CIAO2A: variants seen among roughly 807,000 people sequenced by gnomAD.
The protein encoded by CIAO2A is cytosolic iron-sulfur assembly component 2A, also known as MIP18 family protein FAM96A.
Under a neutral mutation model 22.4 loss-of-function variants are expected in CIAO2A, and 17 were observed. The observed-to-expected ratio is 0.76, with a 90% CI of 0.52 to 1.14. The LOEUF (loss-of-function observed/expected upper bound fraction) is 1.14, where lower values mean the gene tolerates loss of function less well. Ranked by LOEUF, CIAO2A falls within the 50% of genes most tolerant of loss-of-function variation. The probability of loss-of-function intolerance (pLI) is 0.00; values close to 1 mark genes in which losing one functional copy is unlikely to be tolerated. For synonymous variants in CIAO2A, 74 were observed against 72.3 expected (o/e 1.02, Z -0.12); for missense variants, 192 against 191.4 (o/e 1.00, Z -0.02).
chr15:64,078,520 CA>C (rs1028686759), intron 3 of CIAO2A, among the ~76,000 whole-genome samples: 8 of 151,694 alleles, frequency 5.3e-5, no homozygotes, highest in Non-Finnish European at 1.0e-4. Flanking sequence ...CCTGTAATCC[CA>C]GCTATTTGGG....
chr15:64,087,424 T>A (rs1458423809), intron 2 of CIAO2A, among the ~76,000 whole-genome samples: 1 of 152,082 alleles, frequency 6.6e-6, no homozygotes, highest in Admixed American at 6.5e-5. Flanking sequence ...AGATGGGGTT[T>A]CACCATGTTG....
chr15:64,087,400 A>AT (rs1218410786), intron 2 of CIAO2A, among the ~76,000 whole-genome samples: 1 of 151,178 alleles, frequency 6.6e-6, no homozygotes. Context: ...CTAATTTTGT[A>AT]TTTTTTTTAG....
intron 2 of CIAO2A, among the ~76,000 whole-genome samples, chr15:64,081,534 C>CT (rs1567306106): frequency 0.024 from 591 of 24,384 alleles, 30 homozygotes; most frequent in Non-Finnish European, 0.04. Flanking sequence ...ACTCATTAAG[C>CT]CTTTTTTTTT....
Position 64,072,967 on chromosome 15 carries a change from C to T in CIAO2A, c.447G>A (p.Arg149=), listed in dbSNP as rs758613975. 6.2e-7 allele frequency: 1 copy of T among 1,613,918 alleles called. No homozygotes were observed. Among genetic ancestry groups the T allele is most frequent in the East Asian group, 2.2e-5 (1 of 44,854 alleles). Residue 149 remains arginine (R), a synonymous_variant, in exon 5 of 5, where the codon CGG becomes CGA. Coordinates refer to ENST00000300030, the MANE Select transcript of CIAO2A (RefSeq NM_032231.7). ...CAAGGACACACTGTTCCACAATTTC[C>T]CGTAAGTTGGGGTTTTCCATTGCAG... ...VAAAMENPNL[R]EIVEQCVLEP... is the part of the protein sequence containing the mutation.
intron 1 of CIAO2A, among the ~76,000 whole-genome samples, 156 bp downstream of exon 1, chr15:64,093,489 C>T (rs2080860756): frequency 6.6e-6 from 1 of 152,008 alleles, no homozygotes; most frequent in South Asian, 2.1e-4. Context: ...AAAGCGCCTG[C>T]TACGCCCCGG....
chr15:64,091,719 CT>C (rs982353234), intron 1 of CIAO2A, among the ~76,000 whole-genome samples: 2 of 151,814 alleles, frequency 1.3e-5, no homozygotes, highest in African/African-American at 4.8e-5. Flanking sequence ...TTAAATTTCT[CT>C]AGTTTTCTAG....
intron 4 of CIAO2A, chr15:64,073,819 C>A (rs2080693956): frequency 6.6e-6 from 1 of 152,144 alleles, no homozygotes; most frequent in Non-Finnish European, 1.5e-5. Context: ...GAAATCCTGG[C>A]CTCAAACTCC....
chr15:64,077,954 G>A (rs1041467036), intron 3 of CIAO2A, among the ~76,000 whole-genome samples: 1 of 152,084 alleles, frequency 6.6e-6, no homozygotes, highest in African/African-American at 2.4e-5. Flanking sequence ...TTAGAGTAAG[G>A]GGGCATTACA....
At position 64,076,021 on chromosome 15, in the gene CIAO2A, A is replaced by G. The variant is rs531560660; in HGVS notation, c.340-484T>C. Among the ~76,000 whole-genome samples, 23 of 151,990 alleles carry G rather than the reference A, an allele frequency of 1.5e-4. No individual in the cohort carries two copies. In the South Asian group the frequency reaches 1.7e-3, roughly 11 times the overall value. ...ACAAATCCCCCACATCCTTCTCTAA[A>G]AAAAAAAAGGACTGAAATGAGTAGG... On this transcript the variant is annotated intron_variant, in intron 3 of 4. Transcript: ENST00000300030.
intron 2 of CIAO2A, among the ~76,000 whole-genome samples, chr15:64,087,096 T>C (rs2080803452): frequency 6.9e-6 from 1 of 145,722 alleles, no homozygotes; most frequent in African/African-American, 2.5e-5. Flanking sequence ...TTTTTTTTTT[T>C]TTTTTTTTTT....
At chr15:64,078,094 AT>A (rs1595952850) in intron 3 of CIAO2A, among the ~76,000 whole-genome samples, 1 of 152,142 alleles carries the variant, frequency 6.6e-6, no homozygotes, top group African/African-American at 2.4e-5. Flanking sequence ...GATATATGGA[AT>A]TTCTTTGTAC....
At chr15:64,078,490 G>T (rs2080735383) in intron 3 of CIAO2A, among the ~76,000 whole-genome samples, 1 of 152,106 alleles carries the variant, frequency 6.6e-6, no homozygotes, top group South Asian at 2.1e-4. Flanking sequence ...CAAAAATTTA[G>T]CTGGGTGTGG....
chr15:64,075,512 G>C lies in CIAO2A; in HGVS notation c.365C>G (p.Thr122Ser). The change falls in exon 4 of 5, where the codon ACC (threonine) becomes AGC (serine). Residue 122 changes from threonine to serine, a missense_variant. Physicochemically the swap from Thr to Ser is moderately conservative, Grantham distance 58. Transcript: ENST00000300030. ...CTTACTGTCTTCTTCTGTTGAGTGG[G>C]TTCCTTCAGAAATGTAGATTTCCAA... is the stretch of plus-strand genomic sequence containing the variant. ...HKLEIYISEG[T>S]HSTEEDINKQ... is the part of the protein sequence containing the mutation. 1 of 1,585,822 alleles carries C rather than the reference G, an allele frequency of 6.3e-7. No individual in the cohort carries two copies. The highest frequency in any genetic ancestry group is 8.6e-7 in the Non-Finnish European group (1 of 1,165,334).
Position 64,072,849 on chromosome 15 carries a change from T to C in CIAO2A, c.*82A>G. 2.2e-6 allele frequency: 2 copies of C among 899,814 alleles called. No individual in the cohort carries two copies. Among genetic ancestry groups the C allele is most frequent in the Non-Finnish European group, 1.8e-6 (1 of 568,082 alleles). 55.7% of individuals were successfully genotyped at this position (899,814 alleles called of 1,614,324 possible). ...TCTGAGGTACAAATCACCTATGTAT[T>C]AAACATGAGTCTCTGACATTATACA... On this transcript the variant is annotated 3_prime_UTR_variant, in exon 5 of 5. Coordinates refer to ENST00000300030, the MANE Select transcript of CIAO2A (RefSeq NM_032231.7).
At chr15:64,089,347 A>AC (rs930691492) in intron 1 of CIAO2A, among the ~76,000 whole-genome samples, 18 of 151,924 alleles carry the variant, frequency 1.2e-4, no homozygotes, top group African/African-American at 4.3e-4. Flanking sequence ...ACATAATGAG[A>AC]CCCCCGTCTC....
intron 1 of CIAO2A, among the ~76,000 whole-genome samples, chr15:64,092,853 A>T (rs1174800243): frequency 6.6e-6 from 1 of 152,224 alleles, no homozygotes; most frequent in East Asian, 1.9e-4. Context: ...CAACATAATT[A>T]AAAAAACAAA....
chr15:64,072,949 A>G lies in CIAO2A; in HGVS notation c.465T>C (p.Cys155=). 2 of 1,613,054 alleles carry G rather than the reference A, an allele frequency of 1.2e-6. No individual in the cohort carries two copies. The highest frequency in any genetic ancestry group is 1.7e-6 in the Non-Finnish European group (2 of 1,179,108). ...NPNLREIVEQ[C]VLEPD is the part of the protein sequence containing the mutation. ...ACAGCTATCAGTCAGGTTCAAGGAC[A>G]CACTGTTCCACAATTTCCCGTAAGT... Residue 155 remains cysteine (C), a synonymous_variant, in exon 5 of 5, where the codon TGT becomes TGC. Coordinates refer to ENST00000300030, the MANE Select transcript of CIAO2A (RefSeq NM_032231.7).
At position 64,073,069 on chromosome 15, in the gene CIAO2A, C is replaced by A; in HGVS notation, c.386-41G>T. 3 of 1,323,082 alleles carry A rather than the reference C, an allele frequency of 2.3e-6. No individual in the cohort carries two copies. In the South Asian group the frequency reaches 3.5e-5, roughly 16 times the overall value. The allele number at this position is 1,323,082 out of a possible 1,614,324, so 82.0% of individuals were successfully genotyped here. ...ACAAAAGTTAGCAGAAGAACTGTGTCAATATACAGCACCAGACAGTATTTT... is the reference window on the plus strand; with the variant it reads ...ACAAAAGTTAGCAGAAGAACTGTGTAAATATACAGCACCAGACAGTATTTT... On this transcript the variant is annotated intron_variant, in intron 4 of 4. Transcript: ENST00000300030.
At chr15:64,082,482 C>T (rs552331422) in intron 2 of CIAO2A, among the ~76,000 whole-genome samples, 1 of 152,300 alleles carries the variant, frequency 6.6e-6, no homozygotes, top group Non-Finnish European at 1.5e-5. Context: ...CCCGCCTCGG[C>T]CTCCCAAAGT....
Sources: allele counts gnomAD v4.1 joint callset (sites outside exome capture counted in the v4.1 genomes callset), GRCh38; gene constraint gnomAD v4.1.1; transcripts MANE v1.5; gene names NCBI Gene and HGNC (gene_info 2026-07-23, HGNC 2026-07-21).